PTPRT: variants seen among roughly 807,000 people sequenced by gnomAD.
PTPRT encodes receptor-type tyrosine-protein phosphatase T.
In PTPRT, 56 loss-of-function variants were observed where a neutral mutation model predicts 176.8. The observed-to-expected ratio is 0.32, with a 90% CI of 0.26 to 0.40. The LOEUF is 0.40. Ranked by LOEUF, PTPRT falls within the 10% of genes least tolerant of loss-of-function variation. The pLI is 1.00. For missense variants in PTPRT, 1,540 were observed against 1,908.2 expected (o/e 0.81, Z 3.60); for synonymous variants, 783 against 739.0 (o/e 1.06, Z -0.96).
At chr20:42,641,767 C>G (rs1240031913) in intron 7 of PTPRT, among the ~76,000 whole-genome samples, 1 of 152,056 alleles carries the variant, frequency 6.6e-6, no homozygotes, top group South Asian at 2.1e-4. Context: ...TAAAGAGAGG[C>G]AAGGCAAAGG....
chr20:42,722,110 CAA>C (rs758530113), intron 6 of PTPRT, among the ~76,000 whole-genome samples: 8 of 152,198 alleles, frequency 5.3e-5, no homozygotes, highest in Non-Finnish European at 1.2e-4. Flanking sequence ...TGCTTCCTCC[CAA>C]GTGTCCTCCC....
At chr20:42,421,264 GCACA>G (rs374141174) in intron 9 of PTPRT, among the ~76,000 whole-genome samples, 30 of 117,638 alleles carry the variant, frequency 2.6e-4, no homozygotes, top group South Asian at 5.9e-4. Context: ...ACGCACGCAC[GCACA>G]CACACACACG....
At chr20:42,490,429 T>G (rs971585155) in intron 7 of PTPRT, among the ~76,000 whole-genome samples, 1 of 152,156 alleles carries the variant, frequency 6.6e-6, no homozygotes, top group Non-Finnish European at 1.5e-5. Flanking sequence ...CATTGAGATT[T>G]TATATATTCT....
intron 1 of PTPRT, among the ~76,000 whole-genome samples, chr20:42,961,457 A>G (rs532353927): frequency 6.6e-6 from 1 of 152,352 alleles, no homozygotes; most frequent in African/African-American, 2.4e-5. Flanking sequence ...CCTTAAAAAG[A>G]AAGATTATAG....
intron 6 of PTPRT, among the ~76,000 whole-genome samples, chr20:42,717,010 G>A (rs1484775506): frequency 6.6e-6 from 1 of 150,778 alleles, no homozygotes; most frequent in African/African-American, 2.4e-5. Flanking sequence ...CACAGGAAGG[G>A]GAACATCACA....
intron 17 of PTPRT, among the ~76,000 whole-genome samples, chr20:42,148,482 C>T (rs1244074215): frequency 2.6e-5 from 4 of 152,166 alleles, no homozygotes; most frequent in African/African-American, 4.8e-5. Context: ...CCCTCCCTCA[C>T]TCACTTCCTT....
At chr20:42,091,485 T>C (rs548523941) in intron 27 of PTPRT, among the ~76,000 whole-genome samples, 5 of 152,308 alleles carry the variant, frequency 3.3e-5, no homozygotes, top group African/African-American at 9.6e-5. Flanking sequence ...AAAAATACTT[T>C]GATAAAATGG....
chr20:43,121,297 G>C (rs2013248743), intron 1 of PTPRT, among the ~76,000 whole-genome samples: 1 of 152,162 alleles, frequency 6.6e-6, no homozygotes, highest in African/African-American at 2.4e-5. Flanking sequence ...TCTTACAAAT[G>C]CTGCTGAGAA....
rs206679 is a variant in PTPRT at position 42,918,247 on chromosome 20, T to C, written c.89-32315A>G. Among the ~76,000 whole-genome samples, 519 of 152,144 alleles carry C rather than the reference T, an allele frequency of 3.4e-3. 4 individuals carry two copies. The highest frequency in any genetic ancestry group is 0.012 in the African/African-American group (480 of 41,510). ...CAGGGCAGAGCTGCTGTTGGCAGGG[T>C]TGAACTTCACCCAAGCCCTGTGCTC... On this transcript the variant is annotated intron_variant, in intron 1 of 30. Coordinates refer to ENST00000373187, the MANE Select transcript of PTPRT (RefSeq NM_007050.6).
rs963618764 is a variant in PTPRT, at chr20:43,139,482, T to C, written c.88+50164A>G. The stretch of plus-strand genomic sequence containing the variant: ...TTGTTTAGTATTGCCCATCGCAGTG[T>C]GAACACTCTAACAACAAAGAACTTG... On this transcript the variant is annotated intron_variant, in intron 1 of 30. Coordinates refer to ENST00000373187, the MANE Select transcript of PTPRT (RefSeq NM_007050.6). Among the ~76,000 whole-genome samples, 3 of 152,204 alleles carry C rather than the reference T, an allele frequency of 2.0e-5. No homozygotes were observed. In the South Asian group the frequency reaches 6.2e-4, roughly 32 times the overall value.
chr20:42,409,813 T>A (rs1226474869), intron 9 of PTPRT, among the ~76,000 whole-genome samples: 1 of 152,224 alleles, frequency 6.6e-6, no homozygotes, highest in African/African-American at 2.4e-5. Flanking sequence ...TTTTTGTTAC[T>A]TAATGTCTAT....
intron 8 of PTPRT, among the ~76,000 whole-genome samples, chr20:42,466,694 C>G (rs1422384828): frequency 6.6e-6 from 1 of 152,028 alleles, no homozygotes; most frequent in Admixed American, 6.6e-5. Context: ...GAGCTCATGA[C>G]TTAAAACAAA....
chr20:42,999,184 G>A (rs1056762826), intron 1 of PTPRT, among the ~76,000 whole-genome samples: 3 of 152,068 alleles, frequency 2.0e-5, no homozygotes, highest in South Asian at 2.1e-4. Context: ...GAAAATTTCC[G>A]CAATATATTG....
chr20:42,850,734 G>A (rs1170828528), intron 2 of PTPRT, among the ~76,000 whole-genome samples: 1 of 152,186 alleles, frequency 6.6e-6, no homozygotes, highest in Non-Finnish European at 1.5e-5. Flanking sequence ...AACAGGGAAG[G>A]TGCTTAGAGG....
At chr20:42,384,002 C>T (rs777218425) in intron 9 of PTPRT, among the ~76,000 whole-genome samples, 13 of 152,122 alleles carry the variant, frequency 8.5e-5, no homozygotes, top group Non-Finnish European at 1.2e-4. Context: ...GGGGTAGGGA[C>T]GTAGAGACGA....
At chr20:42,757,227 G>A (rs2076848155) in intron 5 of PTPRT, among the ~76,000 whole-genome samples, 4 of 152,182 alleles carry the variant, frequency 2.6e-5, no homozygotes, top group Admixed American at 2.6e-4. Flanking sequence ...TTTGGGGCTG[G>A]CATGTAGCCC....
At chr20:42,191,278 A>G (rs1247027606) in intron 16 of PTPRT, among the ~76,000 whole-genome samples, 2 of 152,190 alleles carry the variant, frequency 1.3e-5, no homozygotes, top group African/African-American at 2.4e-5. Context: ...CCCAAAAGTC[A>G]TCTTCATCTG....
chr20:42,388,081 G>A (rs1476092467), intron 9 of PTPRT, among the ~76,000 whole-genome samples: 2 of 152,084 alleles, frequency 1.3e-5, no homozygotes, highest in East Asian at 3.9e-4. Context: ...GAGTCACCAC[G>A]CCTGGCCCAG....
At chr20:42,663,171 C>T (rs746003170) in intron 7 of PTPRT, among the ~76,000 whole-genome samples, 3 of 152,004 alleles carry the variant, frequency 2.0e-5, no homozygotes, top group African/African-American at 4.8e-5. Context: ...CCCAACCCCA[C>T]TTAATGTTCA....
Sources: allele counts gnomAD v4.1 joint callset (sites outside exome capture counted in the v4.1 genomes callset), GRCh38; gene constraint gnomAD v4.1.1; transcripts MANE v1.5; gene names NCBI Gene and HGNC (gene_info 2026-07-23, HGNC 2026-07-21).